RGS6: variants seen among roughly 807,000 people sequenced by gnomAD.
RGS6 encodes the protein regulator of G-protein signaling 6.
RGS6 carries 30 observed loss-of-function variants against 78.5 expected under a neutral mutation model. The ratio of observed to expected loss-of-function variants is 0.38; its 90% CI spans 0.29 to 0.52. RGS6 has a LOEUF of 0.52. Ranked by LOEUF, RGS6 falls within the 20% of genes least tolerant of loss-of-function variation. The pLI is 0.85. For missense variants in RGS6, 495 were observed against 609.7 expected (o/e 0.81, Z 1.98); for synonymous variants, 206 against 206.0 (o/e 1.00, Z 0.00).
chr14:72,220,217 T>G (rs2046536147), intron 2 of RGS6, among the ~76,000 whole-genome samples: 1 of 152,142 alleles, frequency 6.6e-6, no homozygotes, highest in Non-Finnish European at 1.5e-5. Flanking sequence ...AGAACACTGC[T>G]AAAAGAAATC....
chr14:72,109,024 T>G (rs933079334), intron 2 of RGS6, among the ~76,000 whole-genome samples: 4 of 152,206 alleles, frequency 2.6e-5, no homozygotes, highest in African/African-American at 9.6e-5. Context: ...TGGATTTTTC[T>G]AACTTCATAG....
intron 3 of RGS6, among the ~76,000 whole-genome samples, chr14:72,398,344 T>C (rs370491187): frequency 1.1e-4 from 16 of 152,210 alleles, no homozygotes; most frequent in African/African-American, 1.9e-4. Flanking sequence ...TGCATAGAGG[T>C]GTTTATAGTA....
chr14:72,314,088 G>C (rs1459022924), intron 2 of RGS6, among the ~76,000 whole-genome samples: 1 of 152,184 alleles, frequency 6.6e-6, no homozygotes, highest in Non-Finnish European at 1.5e-5. Context: ...ATTTTATAGA[G>C]AAGGAGATGA....
At chr14:72,627,106 G>T in the RGS6 span, among the ~76,000 whole-genome samples, 4 of 151,926 alleles carry the variant, frequency 2.6e-5, no homozygotes, top group Admixed American at 2.6e-4. Flanking sequence ...CTCCCAGTTT[G>T]TCAGTTGTCT....
At chr14:72,040,970 G>A (rs1567078004) in intron 2 of RGS6, among the ~76,000 whole-genome samples, 2 of 148,980 alleles carry the variant, frequency 1.3e-5, no homozygotes, top group Non-Finnish European at 3.0e-5. Context: ...TTCATTTTTT[G>A]GATGGTTTAT....
At chr14:72,435,762 C>T (rs1312678158) in intron 3 of RGS6, among the ~76,000 whole-genome samples, 1 of 149,086 alleles carries the variant, frequency 6.7e-6, no homozygotes, top group African/African-American at 2.5e-5. Flanking sequence ...CCACCCCGCC[C>T]CCGCCCCTGC....
intron 2 of RGS6, among the ~76,000 whole-genome samples, chr14:72,258,980 A>G (rs2057610200): frequency 6.6e-6 from 1 of 152,162 alleles, no homozygotes; most frequent in Non-Finnish European, 1.5e-5. Flanking sequence ...CATGGTGTCT[A>G]CGAGATTGGG....
intron 2 of RGS6, among the ~76,000 whole-genome samples, chr14:72,164,542 C>T (rs1192806735): frequency 6.6e-6 from 1 of 152,182 alleles, no homozygotes; most frequent in East Asian, 1.9e-4. Context: ...GAATCTTCGC[C>T]ACAACCCATT....
intron 2 of RGS6, among the ~76,000 whole-genome samples, chr14:72,219,708 C>G (rs1305545994): frequency 3.9e-5 from 6 of 152,058 alleles, no homozygotes; most frequent in African/African-American, 1.4e-4. Context: ...TTTTAATACT[C>G]AAATATATCA....
intron 2 of RGS6, among the ~76,000 whole-genome samples, chr14:72,268,374 T>C (rs2059397654): frequency 6.6e-6 from 1 of 152,216 alleles, no homozygotes; most frequent in Non-Finnish European, 1.5e-5. Flanking sequence ...TCATTTCATT[T>C]CATTTCACTT....
the RGS6 span, among the ~76,000 whole-genome samples, chr14:72,577,062 C>T: frequency 6.6e-6 from 1 of 152,198 alleles, no homozygotes; most frequent in Non-Finnish European, 1.5e-5. Context: ...CCCATTTTAG[C>T]TACTAAAGTC....
chr14:72,572,607 A>C, the RGS6 span, among the ~76,000 whole-genome samples: 1 of 152,218 alleles, frequency 6.6e-6, no homozygotes, highest in Non-Finnish European at 1.5e-5. Flanking sequence ...AAATTGATAG[A>C]GACAGAAAGT....
chr14:71,915,819 A>C, the RGS6 span, among the ~76,000 whole-genome samples: 1 of 152,328 alleles, frequency 6.6e-6, no homozygotes, highest in South Asian at 2.1e-4. Context: ...GAATTAAGTT[A>C]GAATGACGTT....
chr14:72,159,265 G>A (rs984679488), intron 2 of RGS6, among the ~76,000 whole-genome samples: 6 of 152,088 alleles, frequency 3.9e-5, no homozygotes, highest in African/African-American at 4.8e-5. Flanking sequence ...AACATCTATC[G>A]GTAAAGAACA....
intron 3 of RGS6, among the ~76,000 whole-genome samples, chr14:72,444,192 G>A (rs1409865359): frequency 2.6e-5 from 4 of 152,214 alleles, no homozygotes; most frequent in African/African-American, 7.2e-5. Context: ...GGGGGCTCAG[G>A]TGAGATAACA....
At chr14:71,994,644 G>A (rs2095115602) in intron 2 of RGS6, among the ~76,000 whole-genome samples, 1 of 152,140 alleles carries the variant, frequency 6.6e-6, no homozygotes, top group African/African-American at 2.4e-5. Context: ...AAAGTAGGGT[G>A]GACTCCTAAT....
At chr14:72,441,155 G>A (rs925933993) in intron 3 of RGS6, among the ~76,000 whole-genome samples, 1 of 152,134 alleles carries the variant, frequency 6.6e-6, no homozygotes, top group Non-Finnish European at 1.5e-5. Context: ...AGGGATTAGA[G>A]GGCACCTTGT....
chr14:72,381,791 TA>T (rs1194535714), intron 3 of RGS6, among the ~76,000 whole-genome samples: 1 of 151,992 alleles, frequency 6.6e-6, no homozygotes, highest in Non-Finnish European at 1.5e-5. Context: ...ATGGACTGTA[TA>T]AAGAAAAAGC....
intron 3 of RGS6, chr14:72,421,835 G>C (rs1191595751): frequency 1.3e-5 from 2 of 152,238 alleles, no homozygotes; most frequent in Non-Finnish European, 2.9e-5. Flanking sequence ...TATGTAACTT[G>C]CTGTGGGCTG....
Sources: gnomAD v4.1 joint callset for allele counts (sites outside exome capture counted in the v4.1 genomes callset) on GRCh38, gnomAD v4.1.1 for gene constraint, MANE v1.5 for transcripts, NCBI Gene and HGNC (gene_info 2026-07-23, HGNC 2026-07-21) for gene names.